Variants in FRMD5 observed in about 807,000 individuals in gnomAD.
The protein encoded by FRMD5 is FERM domain-containing protein 5.
FRMD5 carries 20 observed loss-of-function variants against 69.0 expected under a neutral mutation model. The ratio of observed to expected loss-of-function variants is 0.29; its 90% CI spans 0.20 to 0.42. The LOEUF (loss-of-function observed/expected upper bound fraction) is 0.42. FRMD5 is among the 10% of genes least tolerant of loss of function. FRMD5 has a pLI of 1.00. For missense variants in FRMD5, 595 were observed against 708.6 expected (o/e 0.84, Z 1.82); for synonymous variants, 271 against 260.1 (o/e 1.04, Z -0.40).
intron 1 of FRMD5, among the ~76,000 whole-genome samples, chr15:44,108,466 G>GA (rs1254136512): frequency 6.6e-6 from 1 of 152,158 alleles, no homozygotes; most frequent in Non-Finnish European, 1.5e-5. Context: ...CCAACATAGA[G>GA]AAACCCCGTC....
intron 1 of FRMD5, among the ~76,000 whole-genome samples, chr15:43,960,495 C>T (rs933821280): frequency 2.0e-5 from 3 of 151,936 alleles, no homozygotes; most frequent in African/African-American, 7.3e-5. Context: ...ATGATCTGCC[C>T]GCCTCGGCCT....
intron 1 of FRMD5, among the ~76,000 whole-genome samples, chr15:44,112,594 G>A (rs2076813432): frequency 6.6e-6 from 1 of 151,944 alleles, no homozygotes; most frequent in Admixed American, 6.6e-5. Flanking sequence ...AGCCTCCGGA[G>A]TAGCTGGGAC....
upstream of FRMD5, among the ~76,000 whole-genome samples, chr15:44,198,108 A>G (rs2078323013): frequency 6.6e-6 from 1 of 152,086 alleles, no homozygotes; most frequent in African/African-American, 2.4e-5. Flanking sequence ...TCAGGATTTC[A>G]AGACCCACCT....
chr15:44,140,614 C>T (rs149893919), intron 1 of FRMD5, among the ~76,000 whole-genome samples: 2 of 152,136 alleles, frequency 1.3e-5, no homozygotes, highest in East Asian at 1.9e-4. Flanking sequence ...CACAGTGACT[C>T]GTTCCTGTAA....
intron 10 of FRMD5, among the ~76,000 whole-genome samples, chr15:43,887,041 G>A (rs922862431): frequency 3.9e-5 from 6 of 152,340 alleles, no homozygotes; most frequent in Non-Finnish European, 8.8e-5. Context: ...TTCTGTTTCC[G>A]TGACACAGAT....
chr15:44,189,107 T>G (rs2078151399), intron 1 of FRMD5, among the ~76,000 whole-genome samples: 1 of 152,216 alleles, frequency 6.6e-6, no homozygotes, highest in African/African-American at 2.4e-5. Context: ...TTCACACAAG[T>G]TTGTGTTTAG....
intron 4 of FRMD5, among the ~76,000 whole-genome samples, chr15:43,912,205 G>A (rs2089300843): frequency 6.6e-6 from 1 of 152,118 alleles, no homozygotes; most frequent in South Asian, 2.1e-4. Context: ...GCCTTCCTCA[G>A]ACCAAAGGGA....
At chr15:43,978,004 GAAACTTTATTATAA>G (rs1015232140) in intron 1 of FRMD5, among the ~76,000 whole-genome samples, 16 of 151,714 alleles carry the variant, frequency 1.1e-4, no homozygotes, top group Admixed American at 3.3e-4. Flanking sequence ...CCTCCCCATA[GAAACTTTATTATAA>G]AAACTTTATT....
chr15:44,197,199 TA>T (rs34621315), upstream of FRMD5, among the ~76,000 whole-genome samples: 54,554 of 144,816 alleles, frequency 0.38, 10,132 homozygotes, highest in Middle Eastern at 0.55. Context: ...AGACTCGGTC[TA>T]AAAAAAAAAA....
chr15:43,946,020 A>G (rs2089941193), intron 1 of FRMD5, among the ~76,000 whole-genome samples: 1 of 151,202 alleles, frequency 6.6e-6, no homozygotes, highest in Admixed American at 6.6e-5. Flanking sequence ...GCACCACTGC[A>G]CTCCAGCCTG....
chr15:44,130,707 A>G (rs2077086502), intron 1 of FRMD5, among the ~76,000 whole-genome samples: 1 of 152,148 alleles, frequency 6.6e-6, no homozygotes, highest in Non-Finnish European at 1.5e-5. Flanking sequence ...AACAAATGGA[A>G]AAAAGTAAGA....
intron 1 of FRMD5, among the ~76,000 whole-genome samples, chr15:43,962,692 T>C (rs569090195): frequency 2.4e-4 from 36 of 152,326 alleles, no homozygotes; most frequent in Admixed American, 1.6e-3. Flanking sequence ...AGCATGGTAC[T>C]GGTATCAAAA....
At chr15:43,981,004 G>GACACACAAACACAC (rs2090540112) in intron 1 of FRMD5, among the ~76,000 whole-genome samples, 1 of 152,068 alleles carries the variant, frequency 6.6e-6, no homozygotes, top group South Asian at 2.1e-4. Context: ...ATTTAACACA[G>GACACACAAACACAC]ACACACAAAC....
intron 8 of FRMD5, among the ~76,000 whole-genome samples, chr15:43,889,242 T>C (rs2088739457): frequency 6.6e-6 from 1 of 152,186 alleles, no homozygotes; most frequent in Non-Finnish European, 1.5e-5. Flanking sequence ...AAACGTAAGA[T>C]GCCACAGGTA....
chr15:44,059,968 A>G (rs926769958), intron 1 of FRMD5, among the ~76,000 whole-genome samples: 3 of 152,256 alleles, frequency 2.0e-5, no homozygotes, highest in Non-Finnish European at 4.4e-5. Context: ...AAAATAGCCA[A>G]AAGTGCTAAA....
intron 1 of FRMD5, among the ~76,000 whole-genome samples, chr15:43,998,467 T>C (rs957950842): frequency 6.6e-6 from 1 of 152,192 alleles, no homozygotes; most frequent in African/African-American, 2.4e-5. Flanking sequence ...CTAGACATTG[T>C]CTTTGACATT....
intron 1 of FRMD5, among the ~76,000 whole-genome samples, chr15:43,947,913 A>G (rs1566854059): frequency 6.6e-6 from 1 of 152,194 alleles, no homozygotes; most frequent in Non-Finnish European, 1.5e-5. Flanking sequence ...AATTTTTAAT[A>G]ACTATCCTTG....
At chr15:43,918,101 T>G (rs1162220464) in intron 4 of FRMD5, among the ~76,000 whole-genome samples, 3 of 152,222 alleles carry the variant, frequency 2.0e-5, no homozygotes, top group African/African-American at 4.8e-5. Flanking sequence ...TTTTGCTCCT[T>G]TCACCTGGCA....
chr15:43,957,891 A>T (rs2090139674), intron 1 of FRMD5, among the ~76,000 whole-genome samples: 1 of 152,086 alleles, frequency 6.6e-6, no homozygotes, highest in African/African-American at 2.4e-5. Context: ...TTCCTCCTTA[A>T]CACACAGACC....
Sources: allele counts gnomAD v4.1 joint callset (sites outside exome capture counted in the v4.1 genomes callset), GRCh38; gene constraint gnomAD v4.1.1; transcripts MANE v1.5; gene names NCBI Gene and HGNC (gene_info 2026-07-23, HGNC 2026-07-21).